PRIM2: variants seen among roughly 807,000 people sequenced by gnomAD.
PRIM2 encodes DNA primase subunit 2, also known as DNA primase large subunit.
In PRIM2, 39 loss-of-function variants were observed where a neutral mutation model predicts 67.3. That is an observed-to-expected ratio of 0.58 (90% CI 0.45 to 0.76). The LOEUF (loss-of-function observed/expected upper bound fraction) is 0.76. Ranked by LOEUF, PRIM2 falls within the 30% of genes least tolerant of loss-of-function variation. The pLI is 0.00. For synonymous variants in PRIM2, 143 were observed against 198.7 expected, an observed-to-expected ratio of 0.72 and a Z score of 2.36; for missense variants, 398 against 598.7, an observed-to-expected ratio of 0.66 and a Z score of 3.50.
chr6:57,612,835 C>T (rs1449949353), intron 12 of PRIM2, among the ~76,000 whole-genome samples: 6 of 143,710 alleles, frequency 4.2e-5, no homozygotes, highest in Admixed American at 2.9e-4. Context: ...TGCTCTGTCA[C>T]GCAGGCTGGA....
chr6:57,539,693 A>G (rs1775101895), intron 10 of PRIM2, among the ~76,000 whole-genome samples: 1 of 149,616 alleles, frequency 6.7e-6, no homozygotes, highest in South Asian at 2.1e-4. Context: ...AGGAAATAAA[A>G]TTATAAGAAA....
intron 10 of PRIM2, among the ~76,000 whole-genome samples, chr6:57,594,302 GA>G (rs1269165422): frequency 6.6e-6 from 1 of 152,182 alleles, no homozygotes; most frequent in African/African-American, 2.4e-5. Context: ...CTTTTTAAAA[GA>G]AATCGGCAAG....
chr6:57,339,276 C>A lies in PRIM2; in HGVS notation c.459+13231C>A, dbSNP rs953131704. On this transcript the variant is annotated intron_variant, in intron 5 of 13. Coordinates refer to ENST00000615550, the MANE Select transcript of PRIM2 (RefSeq NM_000947.5). ...AATCAATATCGTGAAAACGGCCATACTGCCCAAGGTAATTTACAGATTCAA... is the reference window on the plus strand; with the variant it reads ...AATCAATATCGTGAAAACGGCCATAATGCCCAAGGTAATTTACAGATTCAA... Among the ~76,000 whole-genome samples the A allele has an allele frequency of 9.8e-4, 150 of 152,304 alleles. 1 individual carries two copies. The highest frequency in any genetic ancestry group is 3.5e-3 in the African/African-American group (147 of 41,548).
At chr6:57,530,763 C>G (rs1475186976) in intron 8 of PRIM2, among the ~76,000 whole-genome samples, 1 of 151,688 alleles carries the variant, frequency 6.6e-6, no homozygotes, top group Non-Finnish European at 1.5e-5. Context: ...CAGGGTGGAG[C>G]ATGATCTCAG....
chr6:57,444,586 A>G (rs1475217141), intron 7 of PRIM2, among the ~76,000 whole-genome samples: 7 of 150,936 alleles, frequency 4.6e-5, no homozygotes, highest in South Asian at 4.2e-4. Flanking sequence ...AAAAAAAATT[A>G]TGGTATTATA....
intron 10 of PRIM2, among the ~76,000 whole-genome samples, chr6:57,564,402 A>T (rs1478064419): frequency 2.0e-5 from 3 of 152,224 alleles, no homozygotes; most frequent in African/African-American, 7.2e-5. Flanking sequence ...AATAAAAAAC[A>T]TCCTTTGGTT....
intron 7 of PRIM2, among the ~76,000 whole-genome samples, chr6:57,394,011 A>G (rs1770442835): frequency 6.6e-6 from 1 of 151,978 alleles, no homozygotes; most frequent in South Asian, 2.1e-4. Context: ...ATTCTGTTCC[A>G]TTGGTCTGTG....
intron 7 of PRIM2, among the ~76,000 whole-genome samples, chr6:57,478,653 C>G (rs1222281793): frequency 1.3e-5 from 2 of 152,258 alleles, no homozygotes; most frequent in African/African-American, 2.4e-5. Flanking sequence ...GGCCTGTGCA[C>G]TAGAATTTAT....
At chr6:57,584,644 T>G (rs1486400732) in intron 10 of PRIM2, among the ~76,000 whole-genome samples, 1 of 152,144 alleles carries the variant, frequency 6.6e-6, no homozygotes, top group South Asian at 2.1e-4. Flanking sequence ...TGTCCTGCTT[T>G]TTTGGATGGA....
chr6:57,533,381 T>A (rs1159692765), intron 9 of PRIM2, among the ~76,000 whole-genome samples: 1 of 152,232 alleles, frequency 6.6e-6, no homozygotes, highest in Non-Finnish European at 1.5e-5. Flanking sequence ...GGGATTTTAA[T>A]GCTTGGAAAC....
At chr6:57,488,982 A>G (rs1773815885) in intron 7 of PRIM2, among the ~76,000 whole-genome samples, 1 of 152,228 alleles carries the variant, frequency 6.6e-6, no homozygotes, top group Non-Finnish European at 1.5e-5. Flanking sequence ...AGGGAAAGAT[A>G]GTCCCTAAGA....
At chr6:57,610,474 C>G (rs1489816750) in intron 12 of PRIM2, among the ~76,000 whole-genome samples, 3,265 of 152,198 alleles carry the variant, frequency 0.021, 115 homozygotes, top group African/African-American at 0.075. Context: ...TACAGGATCA[C>G]ATTTCATTTT....
chr6:57,539,729 C>G (rs1252023910), intron 10 of PRIM2, among the ~76,000 whole-genome samples: 3 of 151,498 alleles, frequency 2.0e-5, no homozygotes, highest in Admixed American at 1.3e-4. Flanking sequence ...CAGGTTGGCT[C>G]ATGCCTGTAA....
the PRIM2 span, among the ~76,000 whole-genome samples, chr6:57,240,091 G>GTTTTTTTTTT: frequency 1.0e-4 from 9 of 90,006 alleles, no homozygotes; most frequent in African/African-American, 4.0e-4. Context: ...TCAATAATCT[G>GTTTTTTTTTT]TTTTTTTTTT....
chr6:57,454,640 T>C (rs922351394), intron 7 of PRIM2, among the ~76,000 whole-genome samples: 1 of 152,214 alleles, frequency 6.6e-6, no homozygotes, highest in South Asian at 2.1e-4. Context: ...ATCCCCTTTA[T>C]CATTTTTTAT....
chr6:57,490,159 C>G (rs1773855953), intron 7 of PRIM2, among the ~76,000 whole-genome samples: 1 of 152,124 alleles, frequency 6.6e-6, no homozygotes, highest in African/African-American at 2.4e-5. Context: ...ACTGAGATTG[C>G]CTTCTTCCAG....
At chr6:57,402,069 C>T (rs1191620698) in intron 7 of PRIM2, among the ~76,000 whole-genome samples, 3 of 152,104 alleles carry the variant, frequency 2.0e-5, no homozygotes, top group Admixed American at 6.6e-5. Context: ...GCGGACCTGC[C>T]CAGTGAGGAG....
chr6:57,230,586 G>T, the PRIM2 span, among the ~76,000 whole-genome samples: 1 of 152,078 alleles, frequency 6.6e-6, no homozygotes, highest in Admixed American at 6.5e-5. Context: ...ATTTTTTATT[G>T]CAAATTAATT....
At chr6:57,607,410 T>G (rs1230716307) in intron 12 of PRIM2, among the ~76,000 whole-genome samples, 1 of 151,908 alleles carries the variant, frequency 6.6e-6, no homozygotes, top group Non-Finnish European at 1.5e-5. Context: ...GAGGTACACA[T>G]AGACTGTCTT....
Sources: gnomAD v4.1 joint callset for allele counts (sites outside exome capture counted in the v4.1 genomes callset) on GRCh38, gnomAD v4.1.1 for gene constraint, MANE v1.5 for transcripts, NCBI Gene and HGNC (gene_info 2026-07-23, HGNC 2026-07-21) for gene names.